NPFFR2: variants seen among roughly 807,000 people sequenced by gnomAD.
NPFFR2 encodes the protein neuropeptide FF receptor 2, also known as G-protein coupled receptor 74.
A neutral mutation model predicts 13.1 loss-of-function variants in NPFFR2; 15 were observed. The ratio of observed to expected loss-of-function variants is 1.15; its 90% CI spans 0.77 to 1.76. The LOEUF (loss-of-function observed/expected upper bound fraction) is 1.76, where lower values mean the gene tolerates loss of function less well. NPFFR2 is among the 40% of genes most tolerant of loss of function. The pLI, the probability that NPFFR2 is intolerant of heterozygous loss-of-function variation, is 0.00. For missense variants in NPFFR2, 572 were observed against 503.5 expected (o/e 1.14, Z -1.30); for synonymous variants, 190 against 175.7 (o/e 1.08, Z -0.65).
chr4:72,059,237 G>T (rs1396789345), intron 1 of NPFFR2, among the ~76,000 whole-genome samples: 1 of 151,982 alleles, frequency 6.6e-6, no homozygotes, highest in African/African-American at 2.4e-5. Context: ...ATGACAAGAT[G>T]GGCAAGGTCT....
chr4:72,094,104 T>C (rs1286966902), intron 1 of NPFFR2, among the ~76,000 whole-genome samples: 1 of 152,148 alleles, frequency 6.6e-6, no homozygotes, highest in African/African-American at 2.4e-5. Context: ...TTATTTCTTT[T>C]CTGGATCTAG....
intron 1 of NPFFR2, among the ~76,000 whole-genome samples, chr4:72,067,691 T>C (rs746141510): frequency 7.9e-5 from 12 of 152,216 alleles, no homozygotes; most frequent in East Asian, 1.9e-4. Context: ...CTGAATACTT[T>C]GCTTATAGAG....
intron 1 of NPFFR2, among the ~76,000 whole-genome samples, chr4:72,056,783 C>G (rs908531936): frequency 1.3e-5 from 2 of 151,954 alleles, no homozygotes; most frequent in African/African-American, 4.8e-5. Flanking sequence ...TTGAAGACTT[C>G]AGTGGAGGAA....
chr4:72,065,893 T>G (rs1033487978), intron 1 of NPFFR2, among the ~76,000 whole-genome samples: 5 of 152,176 alleles, frequency 3.3e-5, no homozygotes, highest in Admixed American at 6.5e-5. Flanking sequence ...TCCACTTCCC[T>G]GACCATCCCC....
chr4:72,094,646 C>A (rs1248004228), intron 1 of NPFFR2, among the ~76,000 whole-genome samples: 1 of 152,164 alleles, frequency 6.6e-6, no homozygotes, highest in East Asian at 1.9e-4. Context: ...CCTATGCAGC[C>A]TGCAGCCTGA....
intron 1 of NPFFR2, among the ~76,000 whole-genome samples, chr4:72,032,740 C>T (rs988201775): frequency 4.6e-5 from 7 of 152,228 alleles, no homozygotes; most frequent in African/African-American, 1.7e-4. Context: ...GATAGGGTTT[C>T]CAGACAATAC....
At chr4:72,145,397 A>G (rs56268925) in intron 3 of NPFFR2, among the ~76,000 whole-genome samples, 2,355 of 151,390 alleles carry the variant, frequency 0.016, 66 homozygotes, top group African/African-American at 0.053. Context: ...AGTGTCTGCT[A>G]TACTCCATTT....
chr4:72,140,809 A>C (rs967172070), intron 3 of NPFFR2, among the ~76,000 whole-genome samples: 1 of 151,984 alleles, frequency 6.6e-6, no homozygotes, highest in Admixed American at 6.6e-5. Context: ...CTCTTTTTCT[A>C]TTGATTGGAA....
At chr4:72,130,442 G>A (rs1010608162) in intron 2 of NPFFR2, among the ~76,000 whole-genome samples, 4 of 152,158 alleles carry the variant, frequency 2.6e-5, no homozygotes, top group Non-Finnish European at 5.9e-5. Context: ...TGCAACATAA[G>A]TTTACATTGT....
At chr4:72,077,079 G>A (rs1204592011) in intron 1 of NPFFR2, among the ~76,000 whole-genome samples, 4 of 152,052 alleles carry the variant, frequency 2.6e-5, no homozygotes, top group African/African-American at 9.7e-5. Flanking sequence ...ATTTGCTGAG[G>A]TACATAGGAT....
At chr4:72,118,728 T>C (rs556441006) in intron 1 of NPFFR2, among the ~76,000 whole-genome samples, 2 of 152,272 alleles carry the variant, frequency 1.3e-5, no homozygotes, top group South Asian at 2.1e-4. Context: ...CAAATACTTA[T>C]TGAGCACCAA....
At chr4:72,079,448 A>G (rs891440527) in intron 1 of NPFFR2, among the ~76,000 whole-genome samples, 1 of 152,200 alleles carries the variant, frequency 6.6e-6, no homozygotes, top group African/African-American at 2.4e-5. Flanking sequence ...AACATAATCA[A>G]CTTATGTTAC....
chr4:72,144,295 G>A (rs1389478277), intron 3 of NPFFR2, among the ~76,000 whole-genome samples: 3 of 152,226 alleles, frequency 2.0e-5, no homozygotes, highest in Non-Finnish European at 2.9e-5. Flanking sequence ...TCAGTTCAGG[G>A]CTCTGACGGT....
At chr4:72,087,337 T>C (rs1373568771) in intron 1 of NPFFR2, among the ~76,000 whole-genome samples, 1 of 152,038 alleles carries the variant, frequency 6.6e-6, no homozygotes, top group Non-Finnish European at 1.5e-5. Flanking sequence ...GGGAAGAAAA[T>C]CCAAACACAA....
In NPFFR2 at chr4:72,147,966, A is replaced by G; in HGVS notation, c.*154A>G. 2 of 576,658 alleles carry G rather than the reference A, an allele frequency of 3.5e-6. No homozygotes were observed. The highest frequency in any genetic ancestry group is 2.7e-5 in the South Asian group (1 of 37,404). 35.7% of individuals were successfully genotyped at this position (576,658 alleles called of 1,614,324 possible). ...GCAAAAAAATTAAAAATAAACAAAAATGGTCATAAGATCATAAACAATCTT... is the reference window on the plus strand; with the variant it reads ...GCAAAAAAATTAAAAATAAACAAAAGTGGTCATAAGATCATAAACAATCTT... On this transcript the variant is annotated 3_prime_UTR_variant, in exon 4 of 4. Transcript: ENST00000308744.
intron 1 of NPFFR2, 82 bp downstream of exon 1, chr4:72,032,282 C>A: frequency 1.4e-6 from 2 of 1,385,506 alleles, no homozygotes; most frequent in Non-Finnish European, 1.9e-6. Context: ...GCCTTGATGA[C>A]ACATATTAGC....
At chr4:72,075,612 C>T (rs1051766822) in intron 1 of NPFFR2, among the ~76,000 whole-genome samples, 2 of 151,878 alleles carry the variant, frequency 1.3e-5, no homozygotes, top group African/African-American at 4.8e-5. Context: ...AACATTCTAC[C>T]CAATAACAAT....
chr4:72,123,007 G>A (rs1415500819), intron 1 of NPFFR2, among the ~76,000 whole-genome samples: 1 of 151,806 alleles, frequency 6.6e-6, no homozygotes, highest in African/African-American at 2.4e-5. Flanking sequence ...AGACCACTAG[G>A]CACATTAATA....
chr4:72,037,241 A>C (rs1719061886), intron 1 of NPFFR2, among the ~76,000 whole-genome samples: 1 of 149,108 alleles, frequency 6.7e-6, no homozygotes. Context: ...AAAAAAAAAA[A>C]CAAAAAACTA....
Sources: allele counts gnomAD v4.1 joint callset (sites outside exome capture counted in the v4.1 genomes callset), GRCh38; gene constraint gnomAD v4.1.1; transcripts MANE v1.5; gene names NCBI Gene and HGNC (gene_info 2026-07-23, HGNC 2026-07-21).